The following FZD9 variants were observed in gnomAD, a reference collection of about 807,000 sequenced individuals.
FZD9 encodes the protein frizzled-9.
A neutral mutation model predicts 29.9 loss-of-function variants in FZD9; 29 were observed. That is an observed-to-expected ratio of 0.97 (90% CI 0.72 to 1.32). The LOEUF (loss-of-function observed/expected upper bound fraction) is 1.32, where lower values mean the gene tolerates loss of function less well. Ranked by LOEUF, FZD9 falls within the 40% of genes most tolerant of loss-of-function variation. The pLI, the probability that FZD9 is intolerant of heterozygous loss-of-function variation, is 0.00. For missense variants in FZD9, 822 were observed against 857.8 expected, an observed-to-expected ratio of 0.96 and a Z score of 0.52; for synonymous variants, 384 against 393.9, an observed-to-expected ratio of 0.97 and a Z score of 0.30.
In FZD9 at chr7:73,433,942, G is replaced by C. The variant is rs1266397236; in HGVS notation, c.-66G>C. ...CCGCGACGTGGCGGGCAGGCACCGG[G>C]GCGCGGGACCGCTGAGCCCGAGTGA... On this transcript the variant is annotated 5_prime_UTR_variant, in exon 1 of 1. Transcript: ENST00000344575. 3 of 1,117,776 alleles carry C rather than the reference G, an allele frequency of 2.7e-6. No individual in the cohort carries two copies. Among genetic ancestry groups the C allele is most frequent in the Non-Finnish European group, 3.3e-6 (3 of 915,004 alleles). 69.2% of individuals were successfully genotyped at this position (1,117,776 alleles called of 1,614,324 possible). A position where few individuals can be genotyped will look rare whatever the true frequency, so the allele number is the denominator to read the frequency against.
At position 73,435,146 on chromosome 7, in the gene FZD9, C is replaced by A; in HGVS notation, c.1139C>A (p.Ala380Glu). ...TIVILTLRKV[A>E]GDELTGLCYV... ...GTCATCCTGACCCTGCGCAAGGTGG[C>A]GGGTGATGAGCTGACTGGGCTTTGC... Residue 380 changes from alanine to glutamate, a missense_variant, in exon 1 of 1, where the codon GCG becomes GAG. Transcript: ENST00000344575. The A allele has an allele frequency of 6.2e-7, 1 of 1,612,242 alleles. No individual in the cohort carries two copies. The highest frequency in any genetic ancestry group is 8.5e-7 in the Non-Finnish European group (1 of 1,179,626).
chr7:73,435,859 C>T lies in FZD9; in HGVS notation c.*76C>T. The T allele has an allele frequency of 3.3e-6, 5 of 1,504,546 alleles. No individual in the cohort carries two copies. Among genetic ancestry groups the T allele is most frequent in the Non-Finnish European group, 4.5e-6 (5 of 1,123,136 alleles). 93.2% of individuals were successfully genotyped at this position (1,504,546 alleles called of 1,614,324 possible). On this transcript the variant is annotated 3_prime_UTR_variant, in exon 1 of 1. Coordinates refer to ENST00000344575, the MANE Select transcript of FZD9 (RefSeq NM_003508.3). ...CCCTGCCCCCTGCATCCCCTAGAGACAGCTGACTAGCAGCTGCCCAGCTGT... is the reference window on the plus strand; with the variant it reads ...CCCTGCCCCCTGCATCCCCTAGAGATAGCTGACTAGCAGCTGCCCAGCTGT...
Position 73,434,681 on chromosome 7 carries a change from G to A in FZD9, c.674G>A (p.Arg225Gln), listed in dbSNP as rs971589447. 6.2e-7 allele frequency: 1 copy of A among 1,603,104 alleles called. No homozygotes were observed. The highest frequency in any genetic ancestry group is 8.5e-7 in the Non-Finnish European group (1 of 1,179,302). The change falls in exon 1 of 1, where the codon CGG (arginine) becomes CAG (glutamine). Residue 225 changes from arginine to glutamine, a missense_variant. By Grantham distance (43) the Arg-to-Gln change is conservative. Transcript: ENST00000344575. ...CGPGVEVFWSRRDKDFALVWM... is the reference protein window; with the variant it reads ...CGPGVEVFWSQRDKDFALVWM... ...CCCGGCGTCGAGGTGTTCTGGTCCCGGCGCGACAAGGACTTCGCGCTGGTC... is the reference window on the plus strand; with the variant it reads ...CCCGGCGTCGAGGTGTTCTGGTCCCAGCGCGACAAGGACTTCGCGCTGGTC...
Position 73,435,123 on chromosome 7 carries a change from C to T in FZD9, c.1116C>T (p.Val372=), listed in dbSNP as rs563536385. Residue 372 remains valine, a synonymous_variant, in exon 1 of 1, where the codon GTC becomes GTT. Coordinates refer to ENST00000344575, the MANE Select transcript of FZD9 (RefSeq NM_003508.3). ...AWGLPALKTI[V]ILTLRKVAGD... ...GCCTGCCCGCGCTCAAGACCATCGT[C>T]ATCCTGACCCTGCGCAAGGTGGCGG... 14 of 1,611,722 alleles carry T rather than the reference C, an allele frequency of 8.7e-6. No homozygotes were observed. In the East Asian group the frequency reaches 2.7e-4, roughly 31 times the overall value.
chr7:73,435,641 T>G lies in FZD9; in HGVS notation c.1634T>G (p.Ile545Arg). The change falls in exon 1 of 1, where the codon ATA becomes AGA. Residue 545 changes from isoleucine to arginine, a missense_variant. By Grantham distance (97) the Ile-to-Arg change is moderately conservative (BLOSUM62 -3). Coordinates refer to ENST00000344575, the MANE Select transcript of FZD9 (RefSeq NM_003508.3). ...QTWQSLCYRK[I>R]AAGRARAKAC... ...TGGCAGAGCCTGTGCTACCGCAAGA[T>G]AGCAGCTGGCCGGGCCCGGGCCAAG... 6.2e-7 allele frequency: 1 copy of G among 1,613,102 alleles called. No homozygotes were observed. Among genetic ancestry groups the G allele is most frequent in the South Asian group, 1.1e-5 (1 of 91,086 alleles).
rs908198639 is a variant in FZD9, at chr7:73,435,507, A to C, written c.1500A>C (p.Pro500=). ...GPGGRRDCSL[P]GGSVPTVAVF... ...GAGGCCGGAGGGACTGCTCGCTGCC[A>C]GGGGGCTCGGTGCCCACCGTGGCGG... The change falls in exon 1 of 1, where the codon CCA becomes CCC. Residue 500 remains proline, a synonymous_variant. Coordinates refer to ENST00000344575, the MANE Select transcript of FZD9 (RefSeq NM_003508.3). 6.2e-7 allele frequency: 1 copy of C among 1,613,092 alleles called. No individual in the cohort carries two copies. Among genetic ancestry groups the C allele is most frequent in the South Asian group, 1.1e-5 (1 of 91,064 alleles).
chr7:73,435,754 C>T lies in FZD9; in HGVS notation c.1747C>T (p.Pro583Ser), dbSNP rs368559421. ...TVVLHMTKTDPSLENPTHL is the reference protein window; with the variant it reads ...TVVLHMTKTDSSLENPTHL ...GGTCTTGCACATGACTAAGACGGAC[C>T]CCTCTTTGGAGAACCCCACACACCT... The change falls in exon 1 of 1, where the codon CCC (proline) becomes TCC (serine). Residue 583 changes from proline (P) to serine (S), a missense_variant. Pro to Ser is a moderately conservative substitution (Grantham distance 74, BLOSUM62 -1). Coordinates refer to ENST00000344575, the MANE Select transcript of FZD9 (RefSeq NM_003508.3). 3 of 1,597,706 alleles carry T rather than the reference C, an allele frequency of 1.9e-6. No homozygotes were observed. The highest frequency in any genetic ancestry group is 2.6e-6 in the Non-Finnish European group (3 of 1,169,218).
At position 73,435,601 on chromosome 7, in the gene FZD9, A is replaced by G; in HGVS notation, c.1594A>G (p.Lys532Glu). Residue 532 changes from lysine to glutamate, a missense_variant, in exon 1 of 1, where the codon AAG becomes GAG. Transcript: ENST00000344575. ...CAGCGGCGTCTGGGTGTGGAGCTCC[A>G]AGACTTTCCAGACCTGGCAGAGCCT... is the stretch of plus-strand genomic sequence containing the variant. ...ITSGVWVWSS[K>E]TFQTWQSLCY... 5 of 1,613,094 alleles carry G rather than the reference A, an allele frequency of 3.1e-6. No individual in the cohort carries two copies. Among genetic ancestry groups the G allele is most frequent in the South Asian group, 2.2e-5 (2 of 91,084 alleles).
Position 73,435,597 on chromosome 7 carries a change from C to T in FZD9, c.1590C>T (p.Ser530=), listed in dbSNP as rs139673113. The T allele has an allele frequency of 7.4e-6, 12 of 1,613,080 alleles. No homozygotes were observed. In the African/African-American group the frequency reaches 1.6e-4, roughly 22 times the overall value. ...TCACCAGCGGCGTCTGGGTGTGGAG[C>T]TCCAAGACTTTCCAGACCTGGCAGA... ...VGITSGVWVW[S]SKTFQTWQSL... The change falls in exon 1 of 1, where the codon AGC becomes AGT. Residue 530 remains serine, a synonymous_variant. Coordinates refer to ENST00000344575, the MANE Select transcript of FZD9 (RefSeq NM_003508.3).
Position 73,434,846 on chromosome 7 carries a change from C to A in FZD9, c.839C>A (p.Ala280Asp). The A allele has an allele frequency of 6.2e-7, 1 of 1,613,456 alleles. No homozygotes were observed. The highest frequency in any genetic ancestry group is 8.5e-7 in the Non-Finnish European group (1 of 1,180,016). Residue 280 changes from alanine (A) to aspartate (D), a missense_variant, in exon 1 of 1, where the codon GCC becomes GAC. Coordinates refer to ENST00000344575, the MANE Select transcript of FZD9 (RefSeq NM_003508.3). ...ATGTGCTACAACGTCTACTCGCTGGCCTTCCTGATCCGTGCGGTGGCCGGA... is the reference window on the plus strand; with the variant it reads ...ATGTGCTACAACGTCTACTCGCTGGACTTCCTGATCCGTGCGGTGGCCGGA... ...LSMCYNVYSL[A>D]FLIRAVAGAQ...
rs1356986432 is a variant in FZD9, at chr7:73,435,939, G to GC, written c.*157dup. 4.0e-6 allele frequency: 4 copies of GC among 995,432 alleles called. 1 individual carries two copies. The East Asian group carries it at 9.9e-5, about 25-fold the overall frequency. 61.7% of individuals were successfully genotyped at this position (995,432 alleles called of 1,614,324 possible). ...GAGGATCAGGGCGGGACCCCGTGAG[G>GC]CTCATTAGGGGAGATGGGGGTCTCC... On this transcript the variant is annotated 3_prime_UTR_variant, in exon 1 of 1. Coordinates refer to ENST00000344575, the MANE Select transcript of FZD9 (RefSeq NM_003508.3).
chr7:73,434,218 G>T lies in FZD9; in HGVS notation c.211G>T (p.Ala71Ser). The T allele has an allele frequency of 6.3e-7, 1 of 1,575,818 alleles. No homozygotes were observed. The highest frequency in any genetic ancestry group is 2.3e-5 in the East Asian group (1 of 42,848). Residue 71 changes from alanine (A) to serine (S), a missense_variant, in exon 1 of 1, where the codon GCC becomes TCC. Coordinates refer to ENST00000344575, the MANE Select transcript of FZD9 (RefSeq NM_003508.3). ...LGHTSQGEAA[A>S]ELAEFAPLVQ... ...CCACACGTCGCAGGGCGAGGCGGCT[G>T]CCGAGCTAGCGGAGTTCGCGCCGCT...
In FZD9 at chr7:73,433,977, G is replaced by A. The variant is rs1221288492; in HGVS notation, c.-31G>A. On this transcript the variant is annotated 5_prime_UTR_variant, in exon 1 of 1. Transcript: ENST00000344575. Reference sequence around the variant, plus strand: ...CGCTGAGCCCGAGTGAGCCGGGGCCGCGCTCCCGCCTTCGGCCCGGGCCTC... The same window carrying A: ...CGCTGAGCCCGAGTGAGCCGGGGCCACGCTCCCGCCTTCGGCCCGGGCCTC... 2.5e-6 allele frequency: 3 copies of A among 1,179,948 alleles called. No individual in the cohort carries two copies. Among genetic ancestry groups the A allele is most frequent in the Non-Finnish European group, 3.1e-6 (3 of 955,040 alleles). 73.1% of individuals were successfully genotyped at this position (1,179,948 alleles called of 1,614,324 possible). A position where few individuals can be genotyped will look rare whatever the true frequency, so the allele number is the denominator to read the frequency against.
rs1442011083 is a variant in FZD9, at chr7:73,433,788, C to T, written c.-220C>T. On this transcript the variant is annotated 5_prime_UTR_variant, in exon 1 of 1. Coordinates refer to ENST00000344575, the MANE Select transcript of FZD9 (RefSeq NM_003508.3). ...CCGGGAGGTTGCGCCGGCTCTGGCT[C>T]AGCGGCGGCTCCGGTGGCAGCGGCG... The T allele has an allele frequency of 2.3e-4, 46 of 200,192 alleles. No homozygotes were observed. Among genetic ancestry groups the T allele is most frequent in the African/African-American group, 1.1e-3 (45 of 42,350 alleles). The allele number at this position is 200,192 out of a possible 1,614,324, so 12.4% of individuals were successfully genotyped here. A position where few individuals can be genotyped will look rare whatever the true frequency, so the allele number is the denominator to read the frequency against.
Position 73,435,125 on chromosome 7 carries a change from T to G in FZD9, c.1118T>G (p.Ile373Ser), listed in dbSNP as rs886801517. Reference sequence around the variant, plus strand: ...CTGCCCGCGCTCAAGACCATCGTCATCCTGACCCTGCGCAAGGTGGCGGGT... The same window carrying G: ...CTGCCCGCGCTCAAGACCATCGTCAGCCTGACCCTGCGCAAGGTGGCGGGT... The part of the protein sequence containing the change: ...WGLPALKTIV[I>S]LTLRKVAGDE... The change falls in exon 1 of 1, where the codon ATC (isoleucine) becomes AGC (serine). Residue 373 changes from isoleucine to serine, a missense_variant. Transcript: ENST00000344575. 6.2e-7 allele frequency: 1 copy of G among 1,612,076 alleles called. No homozygotes were observed. Among genetic ancestry groups the G allele is most frequent in the South Asian group, 1.1e-5 (1 of 91,046 alleles).
Position 73,435,122 on chromosome 7 carries a change from TCA to T in FZD9, c.1116_1117del (p.Ile373ProfsTer9). The T allele has an allele frequency of 6.2e-7, 1 of 1,611,584 alleles. No homozygotes were observed. Among genetic ancestry groups the T allele is most frequent in the Non-Finnish European group, 8.5e-7 (1 of 1,178,998 alleles). On this transcript the variant is annotated frameshift_variant, in exon 1 of 1. Coordinates refer to ENST00000344575, the MANE Select transcript of FZD9 (RefSeq NM_003508.3). LOFTEE classifies it high-confidence loss of function. ...GGCCTGCCCGCGCTCAAGACCATCG[TCA>T]TCCTGACCCTGCGCAAGGTGGCGGG...
chr7:73,435,643 G>A lies in FZD9; in HGVS notation c.1636G>A (p.Ala546Thr). 1.2e-6 allele frequency: 2 copies of A among 1,613,180 alleles called. No individual in the cohort carries two copies. The highest frequency in any genetic ancestry group is 1.7e-6 in the Non-Finnish European group (2 of 1,179,878). The part of the protein sequence containing the change: ...TWQSLCYRKI[A>T]AGRARAKACR... ...GCAGAGCCTGTGCTACCGCAAGATA[G>A]CAGCTGGCCGGGCCCGGGCCAAGGC... Residue 546 changes from alanine (A) to threonine (T), a missense_variant, in exon 1 of 1, where the codon GCA (alanine) becomes ACA (threonine). By Grantham distance (58) the Ala-to-Thr change is moderately conservative (BLOSUM62 0). Transcript: ENST00000344575.
Position 73,435,565 on chromosome 7 carries a change from G to T in FZD9, c.1558G>T (p.Val520Leu). ...GCTCAAAATTTTCATGTCACTGGTG[G>T]TGGGGATCACCAGCGGCGTCTGGGT... ...FMLKIFMSLV[V>L]GITSGVWVWS... The change falls in exon 1 of 1, where the codon GTG (valine) becomes TTG (leucine). Residue 520 changes from valine (V) to leucine (L), a missense_variant. By Grantham distance (32) the Val-to-Leu change is conservative (BLOSUM62 1). Transcript: ENST00000344575. The T allele has an allele frequency of 6.2e-7, 1 of 1,613,354 alleles. No individual in the cohort carries two copies. The highest frequency in any genetic ancestry group is 8.5e-7 in the Non-Finnish European group (1 of 1,179,876).
Position 73,434,235 on chromosome 7 carries a change from C to A in FZD9, c.228C>A (p.Phe76Leu). 6.3e-7 allele frequency: 1 copy of A among 1,581,260 alleles called. No homozygotes were observed. The change falls in exon 1 of 1, where the codon TTC becomes TTA. Residue 76 changes from phenylalanine to leucine, a missense_variant. Transcript: ENST00000344575. ...QGEAAAELAE[F>L]APLVQYGCHS... ...AGGCGGCTGCCGAGCTAGCGGAGTT[C>A]GCGCCGCTGGTGCAGTACGGCTGCC...
Sources: gnomAD v4.1 joint callset for allele counts on GRCh38, gnomAD v4.1.1 for gene constraint, MANE v1.5 for transcripts, NCBI Gene and HGNC (gene_info 2026-07-23, HGNC 2026-07-21) for gene names.